The following MEI4 variants were observed in gnomAD, a reference collection of about 807,000 sequenced individuals.
The protein encoded by MEI4 is meiosis-specific protein MEI4.
In MEI4, 27 loss-of-function variants were observed where a neutral mutation model predicts 31.4. The observed-to-expected ratio is 0.86, with a 90% CI of 0.63 to 1.19. MEI4 has a LOEUF of 1.19. Among genes scored for constraint, MEI4 ranks in the 50% most tolerant of loss-of-function variants. The pLI is 0.00. For missense variants in MEI4, 329 were observed against 398.9 expected (o/e 0.82, Z 1.49); for synonymous variants, 122 against 145.4 (o/e 0.84, Z 1.16).
Position 77,680,115 on chromosome 6 carries a change from C to CAAAAAAAAAAAAAAAAAAAAAAAAAAAAA in MEI4, c.-14-10529_-14-10528insAAAAAAAAAAAAAAAAAAAAAAAAAAAAA, listed in dbSNP as rs1220251759. Among the ~76,000 whole-genome samples, 32 of 39,754 alleles carry CAAAAAAAAAAAAAAAAAAAAAAAAAAAAA rather than the reference C, an allele frequency of 8.0e-4. 9 individuals are homozygous for CAAAAAAAAAAAAAAAAAAAAAAAAAAAAA. The East Asian group carries it at 8.8e-3, about 11-fold the overall frequency. 26.1% of individuals were successfully genotyped at this position (39,754 alleles called of 152,430 possible). ...TGAAACCCCGTCCCTACTAAAAATACAAAAAAAAAAAAAATTAGCTGGGCG... is the reference window on the plus strand; with the variant it reads ...TGAAACCCCGTCCCTACTAAAAATACAAAAAAAAAAAAAAAAAAAAAAAAAAAAAAAAAAAAAAAAAAATTAGCTGGGCG... On this transcript the variant is annotated intron_variant, in intron 1 of 4. Transcript: ENST00000684080.
At chr6:77,673,043 A>T (rs976353650) in intron 1 of MEI4, among the ~76,000 whole-genome samples, 1 of 152,220 alleles carries the variant, frequency 6.6e-6, no homozygotes, top group Non-Finnish European at 1.5e-5. Flanking sequence ...TAGAAGAGTG[A>T]ACATTTGGGC....
chr6:77,801,435 C>G (rs1044640697), intron 3 of MEI4, among the ~76,000 whole-genome samples: 6 of 152,066 alleles, frequency 3.9e-5, no homozygotes, highest in African/African-American at 1.2e-4. Context: ...TTTCAAAACC[C>G]CAGCTCCTGG....
chr6:77,829,095 A>G, intron 4 of MEI4, 33 bp downstream of exon 4: 3 of 1,223,652 alleles, frequency 2.5e-6, no homozygotes, highest in Non-Finnish European at 3.1e-6. Context: ...GTTCTCATAT[A>G]TAGTTATTGT....
At chr6:77,822,377 T>C (rs1436666457) in intron 3 of MEI4, among the ~76,000 whole-genome samples, 1 of 152,110 alleles carries the variant, frequency 6.6e-6, no homozygotes, top group East Asian at 1.9e-4. Flanking sequence ...AGAAAATAAG[T>C]CCTGAGGTTA....
intron 4 of MEI4, 106 bp downstream of exon 4, chr6:77,829,168 T>A (rs1770022050): frequency 1.2e-6 from 1 of 807,592 alleles, no homozygotes; most frequent in Non-Finnish European, 1.7e-6. Context: ...ATGTTTTAGT[T>A]ATTACCTTAT....
chr6:77,796,148 C>A (rs764021337), intron 3 of MEI4, among the ~76,000 whole-genome samples: 1 of 152,106 alleles, frequency 6.6e-6, no homozygotes, highest in Admixed American at 6.5e-5. Flanking sequence ...TGATCACACA[C>A]AAAACCATCT....
chr6:77,924,014 ATATGT>A lies in MEI4; in HGVS notation c.*672_*676del, dbSNP rs1239420302. 7 of 147,144 alleles carry A rather than the reference ATATGT, an allele frequency of 4.8e-5. No homozygotes were observed. The highest frequency in any genetic ancestry group is 8.9e-5 in the Non-Finnish European group (6 of 67,752). 9.1% of individuals were successfully genotyped at this position (147,144 alleles called of 1,614,324 possible). A position where few individuals can be genotyped will look rare whatever the true frequency, so the allele number is the denominator to read the frequency against. ...TACTTGTTTCAATTCTGTTAATTAA[ATATGT>A]TATAATAGTCTTGTAATTGTTAAAT... On this transcript the variant is annotated 3_prime_UTR_variant, in exon 5 of 5. Transcript: ENST00000684080.
chr6:77,702,017 G>C (rs529156270), intron 2 of MEI4, among the ~76,000 whole-genome samples: 1 of 152,254 alleles, frequency 6.6e-6, no homozygotes, highest in South Asian at 2.1e-4. Flanking sequence ...AATTCTCACT[G>C]TTCCATTGCC....
intron 4 of MEI4, among the ~76,000 whole-genome samples, chr6:77,883,984 C>A (rs1382059460): frequency 6.6e-6 from 1 of 151,780 alleles, no homozygotes; most frequent in Non-Finnish European, 1.5e-5. Context: ...TTTACATTCC[C>A]TCCAGCAGTT....
Position 77,806,924 on chromosome 6 carries a change from G to T in MEI4, c.769-22007G>T, listed in dbSNP as rs757506505. Reference sequence around the variant, plus strand: ...TGTACCACAATGGCAGAGTTGGGTAGTTCCAACAGAAATGTAAGGTCTGCA... The same window carrying T: ...TGTACCACAATGGCAGAGTTGGGTATTTCCAACAGAAATGTAAGGTCTGCA... On this transcript the variant is annotated intron_variant, in intron 3 of 4. Transcript: ENST00000684080. 5.2e-4 allele frequency among the ~76,000 whole-genome samples: 79 copies of T among 152,208 alleles called. 1 individual carries two copies. The highest frequency in any genetic ancestry group is 9.3e-4 in the Non-Finnish European group (63 of 67,994).
rs528912308 is a variant in MEI4 at position 77,827,217 on chromosome 6, G to A, written c.769-1714G>A. 4.1e-4 allele frequency among the ~76,000 whole-genome samples: 63 copies of A among 151,892 alleles called. 1 individual carries two copies. The highest frequency in any genetic ancestry group is 2.7e-3 in the Admixed American group (41 of 15,274). Reference sequence around the variant, plus strand: ...CTACTAAAAATACAAAAAATTAGCTGGGTGTGGTGGCGGGTGCCTGTAGTC... The same window carrying A: ...CTACTAAAAATACAAAAAATTAGCTAGGTGTGGTGGCGGGTGCCTGTAGTC... On this transcript the variant is annotated intron_variant, in intron 3 of 4. Coordinates refer to ENST00000684080, the MANE Select transcript of MEI4 (RefSeq NM_001322247.2).
At chr6:77,809,043 C>T (rs1215743008) in intron 3 of MEI4, among the ~76,000 whole-genome samples, 1 of 152,196 alleles carries the variant, frequency 6.6e-6, no homozygotes, top group South Asian at 2.1e-4. Flanking sequence ...GTTGGGGCAA[C>T]AAGTGCTTCC....
chr6:77,923,383 A>ATAAAG lies in MEI4; in HGVS notation c.*40_*44dup, dbSNP rs1476443983. 2.9e-5 allele frequency: 35 copies of ATAAAG among 1,217,942 alleles called. No individual in the cohort carries two copies. Among genetic ancestry groups the ATAAAG allele is most frequent in the African/African-American group, 2.7e-4 (17 of 63,922 alleles). 75.4% of individuals were successfully genotyped at this position (1,217,942 alleles called of 1,614,324 possible). On this transcript the variant is annotated 3_prime_UTR_variant, in exon 5 of 5. Transcript: ENST00000684080. ...AGCAATTTACCACGTTTGAAGCATA[A>ATAAAG]TAAAGTAGAATATATGAAAATCTCA...
At chr6:77,664,955 A>T (rs1383777372) in intron 1 of MEI4, among the ~76,000 whole-genome samples, 1 of 151,928 alleles carries the variant, frequency 6.6e-6, no homozygotes, top group Non-Finnish European at 1.5e-5. Flanking sequence ...AAGAGGTTTT[A>T]AGTTTTTGAG....
chr6:77,735,176 G>T (rs951157135), intron 2 of MEI4, among the ~76,000 whole-genome samples: 1 of 151,840 alleles, frequency 6.6e-6, no homozygotes, highest in Non-Finnish European at 1.5e-5. Context: ...TTTGAATGTT[G>T]GCCTGCCTTG....
At chr6:77,897,516 T>TTATA (rs751445348) in intron 4 of MEI4, among the ~76,000 whole-genome samples, 1 of 151,640 alleles carries the variant, frequency 6.6e-6, no homozygotes, top group Non-Finnish European at 1.5e-5. Flanking sequence ...TTTAAAATTG[T>TTATA]TATATATATA....
intron 2 of MEI4, among the ~76,000 whole-genome samples, chr6:77,710,851 C>G (rs1766447885): frequency 6.6e-6 from 1 of 152,204 alleles, no homozygotes; most frequent in African/African-American, 2.4e-5. Flanking sequence ...TTGAGAACCA[C>G]TGGTTTAGGG....
chr6:77,730,854 G>A (rs1051144535), intron 2 of MEI4, among the ~76,000 whole-genome samples: 18 of 142,490 alleles, frequency 1.3e-4, no homozygotes, highest in African/African-American at 1.9e-4. Context: ...TTCAATTCCC[G>A]CCTATGAGTG....
At chr6:77,693,722 C>A (rs1317813948) in intron 2 of MEI4, among the ~76,000 whole-genome samples, 4 of 151,954 alleles carry the variant, frequency 2.6e-5, no homozygotes, top group Non-Finnish European at 5.9e-5. Flanking sequence ...GGGGAGCATA[C>A]ACTGACAGGA....
Sources: gnomAD v4.1 joint callset for allele counts (sites outside exome capture counted in the v4.1 genomes callset) on GRCh38, gnomAD v4.1.1 for gene constraint, MANE v1.5 for transcripts, NCBI Gene and HGNC (gene_info 2026-07-23, HGNC 2026-07-21) for gene names.